ROBO1: variants seen among roughly 807,000 people sequenced by gnomAD.
ROBO1 encodes roundabout guidance receptor 1, also known as roundabout homolog 1.
Under a neutral mutation model 195.9 loss-of-function variants are expected in ROBO1, and 149 were observed. That is an observed-to-expected ratio of 0.76 (90% CI 0.67 to 0.87). The LOEUF (loss-of-function observed/expected upper bound fraction) is 0.87. Ranked by LOEUF, ROBO1 falls within the 40% of genes least tolerant of loss-of-function variation. The pLI is 0.00. For missense variants in ROBO1, 1,933 were observed against 2,068.3 expected (o/e 0.93, Z 1.27); for synonymous variants, 816 against 733.2 (o/e 1.11, Z -1.82).
chr3:79,678,994 T>A (rs1042919764), intron 1 of ROBO1, among the ~76,000 whole-genome samples: 5 of 152,092 alleles, frequency 3.3e-5, no homozygotes, highest in African/African-American at 1.2e-4. Flanking sequence ...TTTCTTTTTT[T>A]AATTACGCAA....
chr3:79,569,640 T>A (rs1386846632), intron 2 of ROBO1, among the ~76,000 whole-genome samples: 1 of 140,466 alleles, frequency 7.1e-6, no homozygotes, highest in Admixed American at 6.9e-5. Context: ...ATTATATGTA[T>A]AGATATGTGT....
At chr3:78,624,667 G>A (rs568557633) in intron 26 of ROBO1, among the ~76,000 whole-genome samples, 48 of 152,154 alleles carry the variant, frequency 3.2e-4, no homozygotes, top group African/African-American at 1.1e-3. Flanking sequence ...TGACATGAAC[G>A]AGATGAGTTC....
chr3:78,737,883 G>A (rs1351681950), intron 5 of ROBO1, among the ~76,000 whole-genome samples: 1 of 152,032 alleles, frequency 6.6e-6, no homozygotes, highest in African/African-American at 2.4e-5. Flanking sequence ...TCTATTTCAG[G>A]TTTACTACTC....
chr3:78,754,328 A>G (rs550264234), intron 4 of ROBO1, among the ~76,000 whole-genome samples: 1 of 152,344 alleles, frequency 6.6e-6, no homozygotes, highest in South Asian at 2.1e-4. Context: ...CACACTCAGG[A>G]GTAGCCTGGC....
intron 21 of ROBO1, among the ~76,000 whole-genome samples, chr3:78,643,009 T>A (rs80047676): frequency 0.048 from 7,383 of 152,244 alleles, 218 homozygotes; most frequent in African/African-American, 0.075. Context: ...TAATCATTCA[T>A]GTGATTTATC....
intron 2 of ROBO1, among the ~76,000 whole-genome samples, chr3:79,157,089 G>A (rs2108653291): frequency 6.6e-6 from 1 of 151,642 alleles, no homozygotes; most frequent in Non-Finnish European, 1.5e-5. Context: ...ATATTCACAT[G>A]TTAGCCTGTG....
At chr3:79,100,575 C>G (rs1405223270) in intron 3 of ROBO1, among the ~76,000 whole-genome samples, 1 of 151,676 alleles carries the variant, frequency 6.6e-6, no homozygotes, top group Non-Finnish European at 1.5e-5. Context: ...AGTATGAATT[C>G]ACGTGATCCT....
intron 25 of ROBO1, among the ~76,000 whole-genome samples, chr3:78,629,898 T>A (rs921617197): frequency 2.0e-5 from 3 of 152,158 alleles, no homozygotes; most frequent in Non-Finnish European, 2.9e-5. Flanking sequence ...CTTGTGTCAG[T>A]TCTCACACGG....
At chr3:78,724,921 CGGCTGGATTT>C (rs1559789988) in intron 5 of ROBO1, among the ~76,000 whole-genome samples, 1 of 152,122 alleles carries the variant, frequency 6.6e-6, no homozygotes, top group Non-Finnish European at 1.5e-5. Context: ...TCTCTTCCTG[CGGCTGGATTT>C]GACAGTCGAA....
intron 3 of ROBO1, among the ~76,000 whole-genome samples, chr3:78,958,414 T>C (rs1320259389): frequency 6.6e-6 from 1 of 152,212 alleles, no homozygotes; most frequent in Non-Finnish European, 1.5e-5. Flanking sequence ...TAATTCTTAT[T>C]TATCCATTAG....
intron 3 of ROBO1, among the ~76,000 whole-genome samples, chr3:79,118,847 G>C (rs989560234): frequency 7.1e-6 from 1 of 141,668 alleles, no homozygotes; most frequent in Non-Finnish European, 1.5e-5. Context: ...CCTGGTGACA[G>C]AGCAAGACTC....
chr3:78,871,251 G>A (rs1230423274), intron 4 of ROBO1, among the ~76,000 whole-genome samples: 1 of 152,122 alleles, frequency 6.6e-6, no homozygotes, highest in Non-Finnish European at 1.5e-5. Flanking sequence ...GTTTACCTTT[G>A]TAACCCTACA....
intron 1 of ROBO1, among the ~76,000 whole-genome samples, chr3:79,726,549 A>C (rs1045520018): frequency 1.3e-5 from 2 of 152,188 alleles, no homozygotes; most frequent in Non-Finnish European, 2.9e-5. Context: ...CTTCTGATAA[A>C]CAGGAAATAT....
At chr3:79,698,711 A>C (rs1947519808) in intron 1 of ROBO1, among the ~76,000 whole-genome samples, 1 of 151,576 alleles carries the variant, frequency 6.6e-6, no homozygotes, top group African/African-American at 2.4e-5. Flanking sequence ...GGGAACCACC[A>C]TTAATAGAGA....
chr3:79,401,187 T>C (rs551106894), intron 2 of ROBO1, among the ~76,000 whole-genome samples: 2 of 151,326 alleles, frequency 1.3e-5, no homozygotes, highest in East Asian at 3.9e-4. Flanking sequence ...CTGATTTTTT[T>C]AAAAAAAAAT....
intron 2 of ROBO1, among the ~76,000 whole-genome samples, chr3:79,261,234 C>T (rs2082932818): frequency 6.6e-6 from 1 of 152,024 alleles, no homozygotes; most frequent in East Asian, 1.9e-4. Flanking sequence ...GTGTGAATAT[C>T]TCTCTGCAGA....
At chr3:78,780,411 A>C (rs2108477980) in intron 4 of ROBO1, among the ~76,000 whole-genome samples, 1 of 152,302 alleles carries the variant, frequency 6.6e-6, no homozygotes, top group Non-Finnish European at 1.5e-5. Context: ...CAGTTAGAGC[A>C]AGGTACAAGT....
chr3:79,497,547 A>G (rs1392835524), intron 2 of ROBO1, among the ~76,000 whole-genome samples: 2 of 152,196 alleles, frequency 1.3e-5, no homozygotes, highest in East Asian at 3.8e-4. Context: ...ACGAAGAACC[A>G]CATGTGCATC....
chr3:79,732,577 C>A (rs1396640213), intron 1 of ROBO1, among the ~76,000 whole-genome samples: 2 of 152,046 alleles, frequency 1.3e-5, no homozygotes, highest in Admixed American at 6.5e-5. Flanking sequence ...AATTTGAGTC[C>A]ATTTCCATTT....
Sources: allele counts gnomAD v4.1 joint callset (sites outside exome capture counted in the v4.1 genomes callset), GRCh38; gene constraint gnomAD v4.1.1; transcripts MANE v1.5; gene names NCBI Gene and HGNC (gene_info 2026-07-23, HGNC 2026-07-21).